Variants in LYZL4 observed in about 807,000 individuals in gnomAD.
LYZL4 encodes the protein lysozyme-like protein 4.
Under a neutral mutation model 17.6 loss-of-function variants are expected in LYZL4, and 13 were observed. The ratio of observed to expected loss-of-function variants is 0.74; its 90% CI spans 0.48 to 1.18. LYZL4 has a LOEUF of 1.18. Ranked by LOEUF, LYZL4 falls within the 50% of genes most tolerant of loss-of-function variation. The pLI is 0.00. For missense variants in LYZL4, 174 were observed against 188.2 expected (o/e 0.92, Z 0.44); for synonymous variants, 64 against 67.7 (o/e 0.95, Z 0.27).
intron 4 of LYZL4, among the ~76,000 whole-genome samples, chr3:42,398,023 G>A (rs1160728426): frequency 1.3e-5 from 2 of 152,150 alleles, no homozygotes; most frequent in South Asian, 2.1e-4. Flanking sequence ...ACCCCTCAGC[G>A]GGCCGGTTTC....
chr3:42,387,467 GA>G, the LYZL4 span, among the ~76,000 whole-genome samples: 3 of 152,278 alleles, frequency 2.0e-5, no homozygotes, highest in East Asian at 5.8e-4. Flanking sequence ...CTGTGAAGGC[GA>G]AACACAGATC....
the LYZL4 span, among the ~76,000 whole-genome samples, chr3:42,364,074 G>A: frequency 7.9e-5 from 12 of 152,280 alleles, no homozygotes; most frequent in African/African-American, 2.2e-4. Flanking sequence ...AGAAAAGAGC[G>A]GTTGTGGGGC....
At chr3:42,375,219 T>C in the LYZL4 span, among the ~76,000 whole-genome samples, 1 of 152,186 alleles carries the variant, frequency 6.6e-6, no homozygotes, top group Admixed American at 6.5e-5. Context: ...TTCTCTCCTG[T>C]GCTCTTATCC....
chr3:42,392,612 G>A (rs192285115), downstream of LYZL4, among the ~76,000 whole-genome samples: 116 of 152,270 alleles, frequency 7.6e-4, no homozygotes, highest in African/African-American at 2.6e-3. Context: ...TGAGTATGTC[G>A]GAGGGAAGAG....
chr3:42,387,408 C>T, the LYZL4 span, among the ~76,000 whole-genome samples: 5 of 152,120 alleles, frequency 3.3e-5, no homozygotes, highest in African/African-American at 9.7e-5. Flanking sequence ...ATAAGAGAGA[C>T]GAAGAGAAGA....
intron 1 of LYZL4, among the ~76,000 whole-genome samples, chr3:42,408,418 A>AG (rs1577159104): frequency 6.6e-6 from 1 of 152,274 alleles, no homozygotes; most frequent in East Asian, 1.9e-4. Flanking sequence ...CCCAATGCAC[A>AG]GGGCCCTACC....
chr3:42,380,023 C>T, the LYZL4 span, among the ~76,000 whole-genome samples: 1 of 152,198 alleles, frequency 6.6e-6, no homozygotes, highest in Non-Finnish European at 1.5e-5. Context: ...AATTGATGGG[C>T]AACTGCAGAA....
chr3:42,378,309 G>C, the LYZL4 span, among the ~76,000 whole-genome samples: 1 of 152,286 alleles, frequency 6.6e-6, no homozygotes, highest in Non-Finnish European at 1.5e-5. Flanking sequence ...ATTTAGCAAG[G>C]CCCAACTGTT....
Position 42,403,956 on chromosome 3 carries a change from G to A in LYZL4, c.371+90C>T, listed in dbSNP as rs767854777. ...GAGCCTTTTAGTTTTGGCACTGCAC[G>A]TGCGCAACAGCCAAGATTTAGCCAA... On this transcript the variant is annotated intron_variant, in intron 4 of 4. Coordinates refer to ENST00000287748, the MANE Select transcript of LYZL4 (RefSeq NM_144634.4). 35 of 934,684 alleles carry A rather than the reference G, an allele frequency of 3.7e-5. No individual in the cohort carries two copies. The Admixed American group carries it at 6.3e-4, about 17-fold the overall frequency. 57.9% of individuals were successfully genotyped at this position (934,684 alleles called of 1,614,324 possible). A position where few individuals can be genotyped will look rare whatever the true frequency, so the allele number is the denominator to read the frequency against.
chr3:42,399,139 T>C (rs1256455714), intron 4 of LYZL4, among the ~76,000 whole-genome samples: 1 of 152,166 alleles, frequency 6.6e-6, no homozygotes, highest in East Asian at 1.9e-4. Context: ...CAGAATGACA[T>C]CACTTTACAC....
At chr3:42,388,400 C>T in the LYZL4 span, among the ~76,000 whole-genome samples, 129 of 152,328 alleles carry the variant, frequency 8.5e-4, no homozygotes, top group Non-Finnish European at 1.3e-3. Context: ...TGGATGCTCA[C>T]GGCTGGTGAG....
At chr3:42,378,579 T>C in the LYZL4 span, among the ~76,000 whole-genome samples, 1 of 152,182 alleles carries the variant, frequency 6.6e-6, no homozygotes. Flanking sequence ...GTTTAATGGA[T>C]TGCATTGTCC....
At position 42,397,298 on chromosome 3, in the gene LYZL4, G is replaced by A. The variant is rs903445324; in HGVS notation, c.408C>T (p.Thr136=). The change falls in exon 5 of 5, where the codon ACC becomes ACT. Residue 136 remains threonine, a synonymous_variant. Transcript: ENST00000287748. ...TWSRYCQYSD[T]LARWLDGCKL ...TGCAACCATCCAGCCACCGTGCCAG[G>A]GTATCGGAGTACTGGCAGTACCGGG... is the stretch of plus-strand genomic sequence containing the variant. 3.8e-6 allele frequency: 6 copies of A among 1,572,410 alleles called. 1 individual carries two copies. Among genetic ancestry groups the A allele is most frequent in the Non-Finnish European group, 1.7e-6 (2 of 1,158,430 alleles).
At chr3:42,384,903 A>C in the LYZL4 span, among the ~76,000 whole-genome samples, 3 of 152,214 alleles carry the variant, frequency 2.0e-5, no homozygotes, top group Non-Finnish European at 4.4e-5. Flanking sequence ...AATTCTTTAG[A>C]GAATTGGAGG....
chr3:42,401,002 C>T (rs988104962), intron 4 of LYZL4, among the ~76,000 whole-genome samples: 1 of 152,062 alleles, frequency 6.6e-6, no homozygotes, highest in East Asian at 1.9e-4. Context: ...ACCAATCTAC[C>T]CCCAAGTAGA....
chr3:42,407,302 G>A lies in LYZL4; in HGVS notation c.-51C>T, dbSNP rs776925993. Reference sequence around the variant, plus strand: ...GGCAACGGTGGCCAGATGAGTGGGTGGAGTCACAGGGACACTGGTTCTCTG... The same window carrying A: ...GGCAACGGTGGCCAGATGAGTGGGTAGAGTCACAGGGACACTGGTTCTCTG... On this transcript the variant is annotated 5_prime_UTR_variant, in exon 2 of 5. Transcript: ENST00000287748. 4.4e-5 allele frequency: 71 copies of A among 1,611,320 alleles called. No individual in the cohort carries two copies. The highest frequency in any genetic ancestry group is 5.4e-5 in the Non-Finnish European group (64 of 1,179,024).
At chr3:42,390,241 G>A in the LYZL4 span, among the ~76,000 whole-genome samples, 1 of 152,202 alleles carries the variant, frequency 6.6e-6, no homozygotes, top group South Asian at 2.1e-4. Flanking sequence ...TGTATGCTGT[G>A]TGAATGCTTG....
intron 4 of LYZL4, among the ~76,000 whole-genome samples, chr3:42,399,379 A>G (rs1409410692): frequency 6.6e-6 from 1 of 152,258 alleles, no homozygotes; most frequent in African/African-American, 2.4e-5. Flanking sequence ...CAAGATGCTC[A>G]TGATAGAATT....
At chr3:42,395,976 C>T (rs750261279), downstream of LYZL4, among the ~76,000 whole-genome samples, 5 of 152,004 alleles carry the variant, frequency 3.3e-5, no homozygotes, top group East Asian at 1.9e-4. Context: ...TCAGAAGAAT[C>T]GCTTGAACCT....
Sources: gnomAD v4.1 joint callset for allele counts (sites outside exome capture counted in the v4.1 genomes callset) on GRCh38, gnomAD v4.1.1 for gene constraint, MANE v1.5 for transcripts, NCBI Gene and HGNC (gene_info 2026-07-23, HGNC 2026-07-21) for gene names.